Variants in SULF1 observed in about 807,000 individuals in gnomAD.
SULF1 encodes sulfatase 1, also known as extracellular sulfatase Sulf-1.
SULF1 carries 46 observed loss-of-function variants against 110.5 expected under a neutral mutation model. That is an observed-to-expected ratio of 0.42 (90% CI 0.33 to 0.53). The LOEUF (loss-of-function observed/expected upper bound fraction) is 0.53, where lower values mean the gene tolerates loss of function less well. Among genes scored for constraint, SULF1 ranks in the 20% least tolerant of loss-of-function variants. The pLI, the probability that SULF1 is intolerant of heterozygous loss-of-function variation, is 0.12. For missense variants in SULF1, 941 were observed against 1,094.2 expected, an observed-to-expected ratio of 0.86 and a Z score of 1.98; for synonymous variants, 371 against 387.1, an observed-to-expected ratio of 0.96 and a Z score of 0.49.
At chr8:69,621,308 A>G in intron 14 of SULF1, 57 bp downstream of exon 14, 1 of 1,330,878 alleles carries the variant, frequency 7.5e-7, no homozygotes, top group Admixed American at 2.3e-5. Flanking sequence ...GGAATAAACA[A>G]TAGAGAGACG....
At chr8:69,567,279 A>AT (rs1295133976) in intron 5 of SULF1, among the ~76,000 whole-genome samples, 2 of 152,004 alleles carry the variant, frequency 1.3e-5, no homozygotes, top group African/African-American at 4.8e-5. Context: ...ACTTTTCCTC[A>AT]TTTTTCTGTA....
intron 1 of SULF1, among the ~76,000 whole-genome samples, chr8:69,474,067 A>T (rs903194988): frequency 1.3e-5 from 2 of 152,176 alleles, no homozygotes; most frequent in Non-Finnish European, 2.9e-5. Context: ...CATTTAGCCC[A>T]TTCTTAAAAA....
chr8:69,617,905 G>A (rs1203096308), intron 13 of SULF1, among the ~76,000 whole-genome samples: 4 of 152,082 alleles, frequency 2.6e-5, no homozygotes, highest in African/African-American at 9.7e-5. Context: ...AGCTTCCTTT[G>A]CACATGCCGC....
intron 14 of SULF1, among the ~76,000 whole-genome samples, chr8:69,622,531 G>A (rs940213991): frequency 6.6e-6 from 1 of 151,596 alleles, no homozygotes; most frequent in Non-Finnish European, 1.5e-5. Context: ...GTGGCAGTGA[G>A]CCGAGATCGC....
At chr8:69,652,707 C>T (rs1812433705) in intron 22 of SULF1, among the ~76,000 whole-genome samples, 1 of 152,190 alleles carries the variant, frequency 6.6e-6, no homozygotes, top group Admixed American at 6.5e-5. Context: ...CTCTTGTGCC[C>T]ATCACTGAGT....
intron 3 of SULF1, among the ~76,000 whole-genome samples, chr8:69,503,098 C>T (rs1364087903): frequency 6.6e-6 from 1 of 152,190 alleles, no homozygotes; most frequent in Non-Finnish European, 1.5e-5. Flanking sequence ...TCAAGTCTGG[C>T]CCGAATTTCA....
chr8:69,642,202 C>A (rs775465806), intron 22 of SULF1: 18 of 983,804 alleles, frequency 1.8e-5, no homozygotes, highest in Non-Finnish European at 2.2e-5. Context: ...GTATTAATAT[C>A]TTTAAAATTA....
intron 22 of SULF1, among the ~76,000 whole-genome samples, chr8:69,657,625 C>T (rs1392330723): frequency 6.6e-6 from 1 of 152,198 alleles, no homozygotes; most frequent in East Asian, 1.9e-4. Flanking sequence ...TTTTTATCTA[C>T]ACGTGATCTG....
chr8:69,621,097 T>C lies in SULF1; in HGVS notation c.1440T>C (p.Ser480=), dbSNP rs751279219. The C allele has an allele frequency of 1.2e-4, 196 of 1,613,974 alleles. 1 individual carries two copies. Among genetic ancestry groups the C allele is most frequent in the Middle Eastern group, 1.6e-4 (1 of 6,082 alleles). Residue 480 remains serine (S), a synonymous_variant, in exon 14 of 23, where the codon AGT becomes AGC. Coordinates refer to ENST00000402687, the MANE Select transcript of SULF1 (RefSeq NM_001128205.2). ...KLRIHKCKGP[S]DLLTVRQSTR... Reference sequence around the variant, plus strand: ...GAATTCACAAGTGTAAAGGACCCAGTGACCTGCTCACAGTCCGGCAGAGCA... The same window carrying C: ...GAATTCACAAGTGTAAAGGACCCAGCGACCTGCTCACAGTCCGGCAGAGCA...
At chr8:69,651,075 A>T (rs1812308010) in intron 22 of SULF1, among the ~76,000 whole-genome samples, 1 of 122,074 alleles carries the variant, frequency 8.2e-6, no homozygotes, top group African/African-American at 3.7e-5. Context: ...TTTTTTTGAG[A>T]CAGAGTTTTG....
At position 69,658,541 on chromosome 8, in the gene SULF1, C is replaced by T. The variant is rs773234212; in HGVS notation, c.*6C>T. ...GGGATGGATGGGAAGGTTAATCAGC[C>T]CCGTCTCACTGCAGACATCAACTGG... On this transcript the variant is annotated 3_prime_UTR_variant, in exon 23 of 23. Transcript: ENST00000402687. 1.8e-5 allele frequency: 29 copies of T among 1,610,672 alleles called. No individual in the cohort carries two copies. In the African/African-American group the frequency reaches 3.5e-4, roughly 19 times the overall value.
At chr8:69,482,404 A>G (rs1218663704) in intron 1 of SULF1, among the ~76,000 whole-genome samples, 1 of 152,208 alleles carries the variant, frequency 6.6e-6, no homozygotes. Flanking sequence ...CTTATGGATC[A>G]TGCCACATAA....
Position 69,563,971 on chromosome 8 carries a change from A to G in SULF1, c.-5A>G, listed in dbSNP as rs1321409557. 6.2e-7 allele frequency: 1 copy of G among 1,613,870 alleles called. No homozygotes were observed. Among genetic ancestry groups the G allele is most frequent in the Non-Finnish European group, 8.5e-7 (1 of 1,179,772 alleles). ...TGTCAGTTTTGCAACATTGGACCAA[A>G]TACAATGAAGTATTCTTGCTGTGCT... is the stretch of plus-strand genomic sequence containing the variant. On this transcript the variant is annotated 5_prime_UTR_variant, in exon 5 of 23. Transcript: ENST00000402687.
chr8:69,593,233 A>G lies in SULF1; in HGVS notation c.734+4092A>G, dbSNP rs996952911. Reference sequence around the variant, plus strand: ...CAGAGTTCAGTCTTCAGACAAAAGGAGTGAGATAAATTGAAGACAAGCTGC... The same window carrying G: ...CAGAGTTCAGTCTTCAGACAAAAGGGGTGAGATAAATTGAAGACAAGCTGC... On this transcript the variant is annotated intron_variant, in intron 8 of 22. Coordinates refer to ENST00000402687, the MANE Select transcript of SULF1 (RefSeq NM_001128205.2). Among the ~76,000 whole-genome samples, 8 of 152,180 alleles carry G rather than the reference A, an allele frequency of 5.3e-5. No individual in the cohort carries two copies. In the South Asian group the frequency reaches 1.7e-3, roughly 32 times the overall value.
intron 3 of SULF1, among the ~76,000 whole-genome samples, chr8:69,512,309 A>G (rs1340879932): frequency 6.6e-6 from 1 of 152,192 alleles, no homozygotes. Context: ...AGACCCCATC[A>G]GCCCACCAAC....
intron 13 of SULF1, among the ~76,000 whole-genome samples, chr8:69,607,999 C>T (rs887638124): frequency 6.6e-6 from 1 of 152,172 alleles, no homozygotes; most frequent in African/African-American, 2.4e-5. Context: ...GCCCCATTCT[C>T]TTCACTCTTA....
chr8:69,633,028 A>G (rs1051087822), intron 19 of SULF1, among the ~76,000 whole-genome samples: 5 of 152,092 alleles, frequency 3.3e-5, no homozygotes, highest in African/African-American at 1.2e-4. Flanking sequence ...AGAAGAAAAA[A>G]AAAAAAGAAA....
In SULF1 at chr8:69,616,705, T is replaced by G. The variant is rs1177292551; in HGVS notation, c.1378-4330T>G. 6.6e-5 allele frequency among the ~76,000 whole-genome samples: 8 copies of G among 121,646 alleles called. No homozygotes were observed. In the East Asian group the frequency reaches 1.7e-3, roughly 25 times the overall value. The allele number at this position is 121,646 out of a possible 152,430, so 79.8% of individuals were successfully genotyped here. Reference sequence around the variant, plus strand: ...GCTTGAGCTACTGTGCCCGGCCGTTTTTTTTTTTTTTTTTTTTCTGTATTT... The same window carrying G: ...GCTTGAGCTACTGTGCCCGGCCGTTGTTTTTTTTTTTTTTTTTCTGTATTT... On this transcript the variant is annotated intron_variant, in intron 13 of 22. Coordinates refer to ENST00000402687, the MANE Select transcript of SULF1 (RefSeq NM_001128205.2).
At chr8:69,626,892 C>T (rs569499823) in intron 15 of SULF1, among the ~76,000 whole-genome samples, 1 of 152,260 alleles carries the variant, frequency 6.6e-6, no homozygotes, top group Non-Finnish European at 1.5e-5. Context: ...CCGGCACTGG[C>T]CTTGGCCAGC....
Sources: gnomAD v4.1 joint callset for allele counts (sites outside exome capture counted in the v4.1 genomes callset) on GRCh38, gnomAD v4.1.1 for gene constraint, MANE v1.5 for transcripts, NCBI Gene and HGNC (gene_info 2026-07-23, HGNC 2026-07-21) for gene names.